GRIA4: variants seen among roughly 807,000 people sequenced by gnomAD.
GRIA4 encodes the protein glutamate receptor 4.
Under a neutral mutation model 104.0 loss-of-function variants are expected in GRIA4, and 34 were observed. That is an observed-to-expected ratio of 0.33 (90% CI 0.25 to 0.44). The LOEUF (loss-of-function observed/expected upper bound fraction) is 0.44, where lower values mean the gene tolerates loss of function less well. Among genes scored for constraint, GRIA4 ranks in the 20% least tolerant of loss-of-function variants. The pLI, the probability that GRIA4 is intolerant of heterozygous loss-of-function variation, is 1.00. For synonymous variants in GRIA4, 386 were observed against 381.9 expected (o/e 1.01, Z -0.13); for missense variants, 750 against 1,096.5 (o/e 0.68, Z 4.46).
At chr11:105,896,119 C>T (rs1261183912) in intron 6 of GRIA4, among the ~76,000 whole-genome samples, 1 of 152,056 alleles carries the variant, frequency 6.6e-6, no homozygotes, top group Non-Finnish European at 1.5e-5. Context: ...AAATAATAGC[C>T]ATTCTGACTG....
chr11:105,744,136 C>T (rs1178987142), intron 3 of GRIA4, among the ~76,000 whole-genome samples: 1 of 152,168 alleles, frequency 6.6e-6, no homozygotes, highest in Non-Finnish European at 1.5e-5. Flanking sequence ...TCTGACTGTT[C>T]CTTATTATAT....
intron 3 of GRIA4, among the ~76,000 whole-genome samples, chr11:105,744,661 G>A (rs1355751075): frequency 6.6e-6 from 1 of 152,126 alleles, no homozygotes; most frequent in Non-Finnish European, 1.5e-5. Flanking sequence ...GGTGACCCCT[G>A]CTGCAAGATG....
chr11:105,957,687 T>C (rs1280244408), intron 14 of GRIA4, among the ~76,000 whole-genome samples: 2 of 152,218 alleles, frequency 1.3e-5, no homozygotes, highest in Non-Finnish European at 2.9e-5. Context: ...ATTGAATCTA[T>C]AAATCACCTT....
intron 3 of GRIA4, among the ~76,000 whole-genome samples, chr11:105,693,547 G>A (rs1953163943): frequency 6.6e-6 from 1 of 152,086 alleles, no homozygotes; most frequent in Non-Finnish European, 1.5e-5. Flanking sequence ...TAAGAATCTG[G>A]CATTTTTTTC....
chr11:105,628,350 C>T (rs904016723), intron 3 of GRIA4, among the ~76,000 whole-genome samples: 1 of 152,114 alleles, frequency 6.6e-6, no homozygotes, highest in Admixed American at 6.6e-5. Flanking sequence ...CTTTCATGTA[C>T]ATATATAATA....
chr11:105,830,970 GCA>G (rs143570637), intron 4 of GRIA4, among the ~76,000 whole-genome samples: 35 of 148,564 alleles, frequency 2.4e-4, no homozygotes, highest in South Asian at 6.5e-4. Flanking sequence ...ATACACACAC[GCA>G]CACACACACA....
At position 105,702,690 on chromosome 11, in the gene GRIA4, CTTTCT is replaced by C. The variant is rs780458696; in HGVS notation, c.248-50287_248-50283del. On this transcript the variant is annotated intron_variant, in intron 3 of 16. Transcript: ENST00000282499. The stretch of plus-strand genomic sequence containing the variant: ...TTATAAGATATGCAAAATTATTTTC[CTTTCT>C]TTTTTTTTTTTTTTTTTTTGAGACA... Among the ~76,000 whole-genome samples the C allele has an allele frequency of 7.8e-4, 75 of 96,110 alleles. 1 individual carries two copies. The highest frequency in any genetic ancestry group is 1.1e-3 in the Non-Finnish European group (58 of 52,518). 63.1% of individuals were successfully genotyped at this position (96,110 alleles called of 152,430 possible).
intron 3 of GRIA4, among the ~76,000 whole-genome samples, chr11:105,661,954 T>C (rs539062471): frequency 6.6e-6 from 1 of 151,660 alleles, no homozygotes; most frequent in South Asian, 2.1e-4. Context: ...ACTAATGAAC[T>C]GCAAAGTTGG....
At chr11:105,696,149 C>T (rs557462671) in intron 3 of GRIA4, among the ~76,000 whole-genome samples, 2 of 152,156 alleles carry the variant, frequency 1.3e-5, no homozygotes, top group Non-Finnish European at 2.9e-5. Flanking sequence ...CCTCATCTTC[C>T]TTGGGTTCAG....
chr11:105,725,044 TTA>T (rs756587369), intron 3 of GRIA4, among the ~76,000 whole-genome samples: 9 of 152,150 alleles, frequency 5.9e-5, no homozygotes, highest in Non-Finnish European at 8.8e-5. Context: ...TCTCTGAGCT[TTA>T]GTTTCTTCAT....
At chr11:105,926,995 T>G in intron 13 of GRIA4, 56 bp downstream of exon 13, 1 of 1,174,646 alleles carries the variant, frequency 8.5e-7, no homozygotes, top group Non-Finnish European at 1.3e-6. Flanking sequence ...ATTCAGGCAA[T>G]TTTTCCAACA....
rs1465048621 is a variant in GRIA4 at position 105,659,125 on chromosome 11, T to C, written c.247+46691T>C. On this transcript the variant is annotated intron_variant, in intron 3 of 16. Transcript: ENST00000282499. Reference sequence around the variant, plus strand: ...AAACAGAAATACCTGAGGGTTCCAGTGCATTAGTTGCTTCCTCACCCATCA... The same window carrying C: ...AAACAGAAATACCTGAGGGTTCCAGCGCATTAGTTGCTTCCTCACCCATCA... Among the ~76,000 whole-genome samples the C allele has an allele frequency of 2.6e-5, 4 of 152,022 alleles. No homozygotes were observed. The South Asian group carries it at 8.3e-4, about 31-fold the overall frequency.
chr11:105,857,595 C>T (rs1160416642), intron 4 of GRIA4, among the ~76,000 whole-genome samples: 2 of 152,102 alleles, frequency 1.3e-5, no homozygotes, highest in African/African-American at 4.8e-5. Context: ...CTTCATTATT[C>T]TGATGATATT....
At chr11:105,653,435 C>T (rs898131191) in intron 3 of GRIA4, among the ~76,000 whole-genome samples, 2 of 152,114 alleles carry the variant, frequency 1.3e-5, no homozygotes, top group African/African-American at 4.8e-5. Context: ...AGCATGGTGA[C>T]TCTGGATAAA....
chr11:105,734,666 C>T (rs760745028), intron 3 of GRIA4, among the ~76,000 whole-genome samples: 13 of 152,142 alleles, frequency 8.5e-5, no homozygotes, highest in Non-Finnish European at 1.6e-4. Flanking sequence ...CTTCCCCTCC[C>T]TCTCAGACAC....
intron 6 of GRIA4, among the ~76,000 whole-genome samples, chr11:105,894,405 G>C (rs1565322494): frequency 6.6e-6 from 1 of 151,926 alleles, no homozygotes; most frequent in African/African-American, 2.4e-5. Flanking sequence ...CCAATAATAG[G>C]ATCTATCTCA....
intron 3 of GRIA4, among the ~76,000 whole-genome samples, chr11:105,700,771 A>C (rs1310056712): frequency 1.3e-5 from 2 of 151,762 alleles, no homozygotes; most frequent in African/African-American, 4.8e-5. Context: ...GCCACCGTCA[A>C]CTCTTATGTG....
At chr11:105,633,899 ACCT>A (rs1951105177) in intron 3 of GRIA4, among the ~76,000 whole-genome samples, 1 of 152,124 alleles carries the variant, frequency 6.6e-6, no homozygotes, top group South Asian at 2.1e-4. Context: ...TTTAGAACTA[ACCT>A]GGTGCTTAGT....
chr11:105,870,537 T>G (rs1185106035), intron 5 of GRIA4, among the ~76,000 whole-genome samples: 2 of 121,666 alleles, frequency 1.6e-5, no homozygotes, highest in Admixed American at 8.9e-5. Context: ...CAGCACAATG[T>G]GGAAAGGTAC....
Sources: gnomAD v4.1 joint callset for allele counts (sites outside exome capture counted in the v4.1 genomes callset) on GRCh38, gnomAD v4.1.1 for gene constraint, MANE v1.5 for transcripts, NCBI Gene and HGNC (gene_info 2026-07-23, HGNC 2026-07-21) for gene names.